The following RPTOR variants were observed in gnomAD, a reference collection of about 807,000 sequenced individuals.
RPTOR encodes regulatory associated protein of MTOR complex 1.
RPTOR carries 21 observed loss-of-function variants against 169.9 expected under a neutral mutation model. The observed-to-expected ratio is 0.12, with a 90% CI of 0.09 to 0.18. The LOEUF (loss-of-function observed/expected upper bound fraction) is 0.18, where lower values mean the gene tolerates loss of function less well. Ranked by LOEUF, RPTOR falls within the 10% of genes least tolerant of loss-of-function variation. RPTOR has a pLI of 1.00. For missense variants in RPTOR, 1,133 were observed against 1,855.9 expected (o/e 0.61, Z 7.16); for synonymous variants, 732 against 753.2 (o/e 0.97, Z 0.46).
At chr17:80,837,868 T>C in intron 9 of RPTOR, 54 bp from the exon 10 acceptor site, 1 of 1,537,174 alleles carries the variant, frequency 6.5e-7, no homozygotes, top group East Asian at 2.3e-5. Flanking sequence ...TGAAGTGGCC[T>C]CGTGTGGAAG....
At position 80,936,985 on chromosome 17, in the gene RPTOR, T is replaced by C. The variant is rs532495111; in HGVS notation, c.2920-3511T>C. Among the ~76,000 whole-genome samples, 162 of 152,338 alleles carry C rather than the reference T, an allele frequency of 1.1e-3. No homozygotes were observed. The highest frequency in any genetic ancestry group is 3.8e-3 in the African/African-American group (156 of 41,574). ...CCTGTGGACTCACGACGCACACCAC[T>C]ACCTCTTCCGCCTCTTCCTCTGCTG... On this transcript the variant is annotated intron_variant, in intron 24 of 33. Transcript: ENST00000306801. The surrounding 1 kb of genome is among the most constrained non-coding windows in gnomAD (Gnocchi z 4.1).
chr17:80,862,905 C>T (rs2067936184), intron 13 of RPTOR, among the ~76,000 whole-genome samples: 1 of 152,214 alleles, frequency 6.6e-6, no homozygotes. Flanking sequence ...CTCAGCATCC[C>T]CCTGCTGCCG....
At chr17:80,859,578 C>A (rs913629138) in intron 13 of RPTOR, among the ~76,000 whole-genome samples, 1 of 152,118 alleles carries the variant, frequency 6.6e-6, no homozygotes, top group Non-Finnish European at 1.5e-5. Context: ...GTGAGGAGAG[C>A]GGGACGGAGG....
chr17:80,769,426 G>A (rs756781664), intron 6 of RPTOR, among the ~76,000 whole-genome samples: 22 of 152,202 alleles, frequency 1.4e-4, no homozygotes, highest in South Asian at 2.1e-4. Context: ...AGAACAGCCC[G>A]AGTGCTGCTT....
intron 20 of RPTOR, among the ~76,000 whole-genome samples, chr17:80,908,214 G>A (rs1032188133): frequency 2.6e-5 from 4 of 152,206 alleles, no homozygotes; most frequent in African/African-American, 7.2e-5. Context: ...CTTTGTATCC[G>A]AGTATGCAGC....
intron 1 of RPTOR, among the ~76,000 whole-genome samples, chr17:80,555,858 A>G (rs2084400928): frequency 6.6e-6 from 1 of 151,896 alleles, no homozygotes; most frequent in African/African-American, 2.4e-5. Context: ...CTTATTGGCT[A>G]TGGATGGAGT....
intron 7 of RPTOR, among the ~76,000 whole-genome samples, chr17:80,819,199 T>G (rs1486295489): frequency 2.0e-5 from 3 of 152,192 alleles, no homozygotes. Flanking sequence ...GATGAGGAGA[T>G]GCAGGAGCCA....
At chr17:80,851,686 C>G (rs766615394) in intron 11 of RPTOR, among the ~76,000 whole-genome samples, 4 of 152,244 alleles carry the variant, frequency 2.6e-5, no homozygotes, top group Non-Finnish European at 4.4e-5. Context: ...CAGTGGGACA[C>G]TCGGGACCAC....
chr17:80,692,921 A>T (rs1041681174), intron 3 of RPTOR, among the ~76,000 whole-genome samples: 1 of 152,218 alleles, frequency 6.6e-6, no homozygotes, highest in Non-Finnish European at 1.5e-5. Context: ...GTCACCACTG[A>T]AATGTTTTAA....
chr17:80,769,445 G>A (rs1269353515), intron 6 of RPTOR, among the ~76,000 whole-genome samples: 1 of 152,184 alleles, frequency 6.6e-6, no homozygotes, highest in Non-Finnish European at 1.5e-5. Flanking sequence ...TTACTTGCAG[G>A]TTGAAAGGAC....
At chr17:80,870,805 G>A (rs2068043655) in intron 13 of RPTOR, among the ~76,000 whole-genome samples, 1 of 152,218 alleles carries the variant, frequency 6.6e-6, no homozygotes, top group African/African-American at 2.4e-5. Flanking sequence ...AGTAAATAGA[G>A]TTCTCATGTA....
intron 4 of RPTOR, among the ~76,000 whole-genome samples, chr17:80,727,435 G>A (rs908197136): frequency 6.3e-5 from 9 of 141,808 alleles, no homozygotes; most frequent in African/African-American, 1.1e-4. Flanking sequence ...CTTCAAGAAC[G>A]TGAACACTGC....
At chr17:80,772,456 C>G (rs1476467635) in intron 6 of RPTOR, among the ~76,000 whole-genome samples, 1 of 125,910 alleles carries the variant, frequency 7.9e-6, no homozygotes, top group Non-Finnish European at 1.7e-5. Context: ...TGCCTGGACC[C>G]CCTTCCTCTC....
intron 1 of RPTOR, among the ~76,000 whole-genome samples, chr17:80,625,201 G>A (rs1301025933): frequency 6.6e-6 from 1 of 152,168 alleles, no homozygotes; most frequent in African/African-American, 2.4e-5. Context: ...AGGCACTCTA[G>A]GAGAACCAGG....
chr17:80,726,647 G>A lies in RPTOR; in HGVS notation c.508-3913G>A, dbSNP rs752161670. ...GGTAGTAAAGATGACAGCAGCCCCC[G>A]TTTCACTGATGGTGGCGCAGAGGAC... is the stretch of plus-strand genomic sequence containing the variant. On this transcript the variant is annotated intron_variant, in intron 4 of 33. Coordinates refer to ENST00000306801, the MANE Select transcript of RPTOR (RefSeq NM_020761.3). This position sits in a 1 kb window ranked among gnomAD's most constrained non-coding sequence, Gnocchi z 4.5. 7.2e-5 allele frequency among the ~76,000 whole-genome samples: 11 copies of A among 152,152 alleles called. No individual in the cohort carries two copies. Among genetic ancestry groups the A allele is most frequent in the African/African-American group, 2.4e-4 (10 of 41,438 alleles).
intron 6 of RPTOR, among the ~76,000 whole-genome samples, chr17:80,758,983 C>T (rs964801550): frequency 1.2e-4 from 18 of 151,540 alleles, no homozygotes; most frequent in African/African-American, 4.4e-4. Context: ...ATCTAGTTGA[C>T]GGGTTTCTCT....
chr17:80,855,402 G>A (rs2143743782), intron 11 of RPTOR, 62 bp from the exon 12 acceptor site: 2 of 1,252,002 alleles, frequency 1.6e-6, no homozygotes, highest in East Asian at 2.3e-5. Context: ...TCATGCAGCA[G>A]CGTTTCGGGG....
intron 7 of RPTOR, among the ~76,000 whole-genome samples, chr17:80,809,893 T>G (rs1820684088): frequency 1.3e-5 from 2 of 151,978 alleles, no homozygotes; most frequent in African/African-American, 4.8e-5. Context: ...AAAAATTAGC[T>G]GGGTGTGGTG....
At chr17:80,742,777 C>T (rs547630861) in intron 5 of RPTOR, among the ~76,000 whole-genome samples, 1 of 152,140 alleles carries the variant, frequency 6.6e-6, no homozygotes, top group East Asian at 1.9e-4. Flanking sequence ...CACATGTATA[C>T]ATGTGCATAC....
Sources: gnomAD v4.1 joint callset for allele counts (sites outside exome capture counted in the v4.1 genomes callset) on GRCh38, gnomAD v4.1.1 for gene constraint, Gnocchi (gnomAD v3.1) non-coding constraint, MANE v1.5 for transcripts, NCBI Gene and HGNC (gene_info 2026-07-23, HGNC 2026-07-21) for gene names.